The following UNC13C variants were observed in gnomAD, a reference collection of about 807,000 sequenced individuals.
The protein encoded by UNC13C is unc-13 homolog C.
A neutral mutation model predicts 245.4 loss-of-function variants in UNC13C; 174 were observed. The observed-to-expected ratio is 0.71, with a 90% confidence interval of 0.63 to 0.80. UNC13C has a LOEUF of 0.80. Ranked by LOEUF, UNC13C falls within the 30% of genes least tolerant of loss-of-function variation. The pLI is 0.00. For missense variants in UNC13C, 2,829 were observed against 2,602.9 expected, an observed-to-expected ratio of 1.09 and a Z score of -1.89; for synonymous variants, 992 against 895.1, an observed-to-expected ratio of 1.11 and a Z score of -1.93.
In UNC13C at chr15:54,349,489, A is replaced by G. The variant is rs181953219; in HGVS notation, c.4713+11000A>G. On this transcript the variant is annotated intron_variant, in intron 17 of 32. Transcript: ENST00000260323. ...TTCTAAAACTGAATTATGACAATAC[A>G]TGAAAAAAATTATAACCTCACGTTG... 3.9e-5 allele frequency among the ~76,000 whole-genome samples: 6 copies of G among 152,308 alleles called. No homozygotes were observed. The East Asian group carries it at 1.2e-3, about 29-fold the overall frequency.
intron 2 of UNC13C, among the ~76,000 whole-genome samples, chr15:54,124,716 T>G (rs1385846869): frequency 6.6e-6 from 1 of 152,194 alleles, no homozygotes; most frequent in African/African-American, 2.4e-5. Context: ...GTCTTGAAAT[T>G]TTCTCCTAAG....
At chr15:54,468,005 T>C (rs1159404263) in intron 19 of UNC13C, among the ~76,000 whole-genome samples, 1 of 151,704 alleles carries the variant, frequency 6.6e-6, no homozygotes, top group East Asian at 1.9e-4. Flanking sequence ...GATCATATAA[T>C]AGCTCCATTT....
At chr15:54,619,257 A>G (rs1305039858) in intron 30 of UNC13C, among the ~76,000 whole-genome samples, 1 of 152,154 alleles carries the variant, frequency 6.6e-6, no homozygotes, top group Non-Finnish European at 1.5e-5. Flanking sequence ...GCCCAACTTC[A>G]GTAACCTCCT....
intron 2 of UNC13C, among the ~76,000 whole-genome samples, chr15:54,029,306 A>C (rs1041870416): frequency 6.6e-6 from 1 of 152,212 alleles, no homozygotes; most frequent in South Asian, 2.1e-4. Flanking sequence ...AAGTCAATCA[A>C]CATTTATTGA....
chr15:54,340,920 A>C (rs1316635017), intron 17 of UNC13C, among the ~76,000 whole-genome samples: 4 of 152,200 alleles, frequency 2.6e-5, no homozygotes, highest in Admixed American at 2.6e-4. Context: ...ATCCATAAAC[A>C]TTCAGAATGG....
At chr15:54,406,143 A>C (rs1258482979) in intron 18 of UNC13C, among the ~76,000 whole-genome samples, 1 of 152,194 alleles carries the variant, frequency 6.6e-6, no homozygotes, top group Non-Finnish European at 1.5e-5. Flanking sequence ...TAAAGACCTG[A>C]ATAAATGATT....
the UNC13C span, among the ~76,000 whole-genome samples, chr15:53,886,634 G>A: frequency 6.6e-6 from 1 of 152,090 alleles, no homozygotes; most frequent in Admixed American, 6.5e-5. Context: ...CCTTAAGTTT[G>A]GGCTATGCAT....
At chr15:54,096,878 T>G (rs1899896219) in intron 2 of UNC13C, among the ~76,000 whole-genome samples, 1 of 152,222 alleles carries the variant, frequency 6.6e-6, no homozygotes, top group African/African-American at 2.4e-5. Flanking sequence ...CAAAAGGATA[T>G]ATGATAAAAA....
intron 11 of UNC13C, among the ~76,000 whole-genome samples, chr15:54,294,587 T>TA (rs1454632519): frequency 1.3e-5 from 2 of 152,112 alleles, no homozygotes; most frequent in Non-Finnish European, 2.9e-5. Context: ...TGGAATGATT[T>TA]AAAAAATTAT....
chr15:53,997,018 A>G (rs1415798758), intron 1 of UNC13C, among the ~76,000 whole-genome samples: 3 of 152,094 alleles, frequency 2.0e-5, no homozygotes, highest in Non-Finnish European at 4.4e-5. Flanking sequence ...TTTATTTTAC[A>G]TTGTCCTCTG....
At chr15:54,571,054 A>T (rs988313865) in intron 30 of UNC13C, among the ~76,000 whole-genome samples, 3 of 152,198 alleles carry the variant, frequency 2.0e-5, no homozygotes, top group Non-Finnish European at 4.4e-5. Context: ...ATCATTTCCA[A>T]TCAATGGTAG....
intron 25 of UNC13C, among the ~76,000 whole-genome samples, chr15:54,532,450 G>A (rs62022420): frequency 0.1 from 15,183 of 152,128 alleles, 987 homozygotes; most frequent in African/African-American, 0.17. Context: ...ACCCTAGACT[G>A]GATAAAGAAA....
At chr15:54,436,502 T>C (rs2040990037) in intron 19 of UNC13C, among the ~76,000 whole-genome samples, 1 of 151,956 alleles carries the variant, frequency 6.6e-6, no homozygotes, top group Non-Finnish European at 1.5e-5. Context: ...GATGAGTTCA[T>C]GTCTCTTACA....
intron 16 of UNC13C, 145 bp downstream of exon 16, chr15:54,334,001 A>G (rs1250507239): frequency 1.8e-6 from 1 of 570,266 alleles, no homozygotes; most frequent in Non-Finnish European, 3.2e-6. Context: ...AACTCGATGA[A>G]TCTTCCAATA....
At chr15:54,500,366 A>G (rs1894150267) in intron 21 of UNC13C, among the ~76,000 whole-genome samples, 191 bp downstream of exon 21, 1 of 151,966 alleles carries the variant, frequency 6.6e-6, no homozygotes, top group South Asian at 2.1e-4. Context: ...TTAAAAAAAA[A>G]AAAAATCAAT....
At chr15:54,479,854 T>C (rs989209429) in intron 19 of UNC13C, among the ~76,000 whole-genome samples, 2 of 152,144 alleles carry the variant, frequency 1.3e-5, no homozygotes, top group Admixed American at 6.6e-5. Flanking sequence ...GGTGATGAAT[T>C]CCTTCTGTTT....
intron 1 of UNC13C, among the ~76,000 whole-genome samples, chr15:53,991,116 C>A (rs1191776132): frequency 6.6e-6 from 1 of 151,984 alleles, no homozygotes; most frequent in Non-Finnish European, 1.5e-5. Context: ...ATACTTCTTT[C>A]TGAATTATGA....
intron 26 of UNC13C, among the ~76,000 whole-genome samples, chr15:54,538,655 CT>C (rs1436476418): frequency 6.6e-6 from 1 of 152,020 alleles, no homozygotes; most frequent in African/African-American, 2.4e-5. Context: ...TCATGGAATA[CT>C]ACACAGCCAT....
intron 17 of UNC13C, among the ~76,000 whole-genome samples, chr15:54,374,152 G>A (rs1247754682): frequency 6.6e-6 from 1 of 152,170 alleles, no homozygotes; most frequent in Non-Finnish European, 1.5e-5. Context: ...TCAAAAGGAG[G>A]AAGTGTGTTC....
Sources: allele counts gnomAD v4.1 joint callset (sites outside exome capture counted in the v4.1 genomes callset), GRCh38; gene constraint gnomAD v4.1.1; transcripts MANE v1.5; gene names NCBI Gene and HGNC (gene_info 2026-07-23, HGNC 2026-07-21).